Variants in BFAR observed in about 807,000 individuals in gnomAD.
BFAR encodes the protein bifunctional apoptosis regulator, also known as RING finger protein 47.
BFAR carries 52 observed loss-of-function variants against 54.4 expected under a neutral mutation model. The observed-to-expected ratio is 0.96, with a 90% CI of 0.77 to 1.21. The LOEUF (loss-of-function observed/expected upper bound fraction) is 1.21. BFAR is among the 50% of genes most tolerant of loss of function. The pLI is 0.00. For missense variants in BFAR, 571 were observed against 534.0 expected, an observed-to-expected ratio of 1.07 and a Z score of -0.68; for synonymous variants, 215 against 204.3, an observed-to-expected ratio of 1.05 and a Z score of -0.45.
chr16:14,665,456 G>A (rs1404443045), intron 7 of BFAR, among the ~76,000 whole-genome samples: 2 of 152,174 alleles, frequency 1.3e-5, no homozygotes, highest in Non-Finnish European at 2.9e-5. Flanking sequence ...GCTGAAGGAA[G>A]AAGCTGGCAA....
In BFAR at chr16:14,638,164, C is replaced by G. The variant is rs141888435; in HGVS notation, c.-74+5146C>G. 1.6e-4 allele frequency among the ~76,000 whole-genome samples: 25 copies of G among 152,308 alleles called. 1 individual carries two copies. The East Asian group carries it at 4.8e-3, about 29-fold the overall frequency. On this transcript the variant is annotated intron_variant, in intron 1 of 7. Coordinates refer to ENST00000261658, the MANE Select transcript of BFAR (RefSeq NM_016561.3). ...TTGGGAAGCTGAGACCAGATGATTGCTTGAGCCCAGGAACTCGAGACCATC... is the reference window on the plus strand; with the variant it reads ...TTGGGAAGCTGAGACCAGATGATTGGTTGAGCCCAGGAACTCGAGACCATC...
Position 14,655,070 on chromosome 16 carries a change from C to CT in BFAR, c.647dup (p.Leu216PhefsTer46), listed in dbSNP as rs1567491899. 6.2e-7 allele frequency: 1 copy of CT among 1,605,202 alleles called. No individual in the cohort carries two copies. Among genetic ancestry groups the CT allele is most frequent in the South Asian group, 1.1e-5 (1 of 89,140 alleles). On this transcript the variant is annotated frameshift_variant, in exon 5 of 8. Transcript: ENST00000261658. LOFTEE classifies it high-confidence loss of function. Reference sequence around the variant, plus strand: ...TCTCCTCCTGCCCCTCTACAGGTTGCTTTTAACTTTGACAGAGGAAGAATT... The same window carrying CT: ...TCTCCTCCTGCCCCTCTACAGGTTGCTTTTTAACTTTGACAGAGGAAGAATT...
chr16:14,653,481 CCATG>C (rs1960032945), intron 4 of BFAR, among the ~76,000 whole-genome samples: 1 of 152,092 alleles, frequency 6.6e-6, no homozygotes, highest in Admixed American at 6.6e-5. Context: ...GCACACGCCA[CCATG>C]CCCGCCTAAT....
chr16:14,645,424 AT>A (rs1190731577), intron 2 of BFAR, among the ~76,000 whole-genome samples: 10 of 152,250 alleles, frequency 6.6e-5, no homozygotes, highest in African/African-American at 2.4e-4. Flanking sequence ...CAGTTATCAC[AT>A]TAATAGAGTT....
chr16:14,634,803 G>A lies in BFAR; in HGVS notation c.-74+1785G>A, dbSNP rs188390005. Among the ~76,000 whole-genome samples, 14 of 152,316 alleles carry A rather than the reference G, an allele frequency of 9.2e-5. 1 individual carries two copies. Among genetic ancestry groups the A allele is most frequent in the Admixed American group, 7.8e-4 (12 of 15,296 alleles). On this transcript the variant is annotated intron_variant, in intron 1 of 7. Coordinates refer to ENST00000261658, the MANE Select transcript of BFAR (RefSeq NM_016561.3). ...GAACCCAGATCAGTGTCACTCCTAAGACCATACTGTTTCAACTCTACCAGC... is the reference window on the plus strand; with the variant it reads ...GAACCCAGATCAGTGTCACTCCTAAAACCATACTGTTTCAACTCTACCAGC...
At position 14,643,350 on chromosome 16, in the gene BFAR, A is replaced by T. The variant is rs532782226; in HGVS notation, c.-73-924A>T. Among the ~76,000 whole-genome samples the T allele has an allele frequency of 2.6e-3, 390 of 152,244 alleles. 2 individuals are homozygous for T. The highest frequency in any genetic ancestry group is 0.01 in the Middle Eastern group (3 of 292). On this transcript the variant is annotated intron_variant, in intron 1 of 7. Transcript: ENST00000261658. ...AAATTTAATTGAGAACACTGAGATC[A>T]GGGAAATTTCATTTTCTAAGGAAGT...
intron 2 of BFAR, among the ~76,000 whole-genome samples, chr16:14,646,637 T>C (rs1216710372): frequency 6.6e-6 from 1 of 151,904 alleles, no homozygotes; most frequent in African/African-American, 2.4e-5. Flanking sequence ...TAGCTGGGAT[T>C]ACAGGCATGT....
intron 7 of BFAR, among the ~76,000 whole-genome samples, chr16:14,666,009 C>T (rs1011320268): frequency 1.3e-5 from 2 of 152,206 alleles, no homozygotes; most frequent in African/African-American, 4.8e-5. Context: ...CCTCACAGCA[C>T]TGTTCTTTCT....
At chr16:14,634,590 A>T (rs1233581509) in intron 1 of BFAR, among the ~76,000 whole-genome samples, 1 of 152,204 alleles carries the variant, frequency 6.6e-6, no homozygotes, top group Non-Finnish European at 1.5e-5. Context: ...GCAGTTTGGG[A>T]GGCAGAAGTG....
At chr16:14,656,090 G>T (rs992877424) in intron 5 of BFAR, among the ~76,000 whole-genome samples, 2 of 152,062 alleles carry the variant, frequency 1.3e-5, no homozygotes, top group African/African-American at 4.8e-5. Flanking sequence ...CACTCCTGTA[G>T]GTCCATTTAC....
At chr16:14,659,663 G>C (rs1053929038) in intron 5 of BFAR, among the ~76,000 whole-genome samples, 4 of 151,828 alleles carry the variant, frequency 2.6e-5, no homozygotes, top group African/African-American at 9.7e-5. Context: ...CCATTCTCCT[G>C]CCTCAGCCTC....
Position 14,664,943 on chromosome 16 carries a change from T to G in BFAR, c.1032T>G (p.Ile344Met). 2 of 1,614,026 alleles carry G rather than the reference T, an allele frequency of 1.2e-6. No individual in the cohort carries two copies. Among genetic ancestry groups the G allele is most frequent in the Non-Finnish European group, 8.5e-7 (1 of 1,179,868 alleles). Residue 344 changes from isoleucine to methionine, a missense_variant, in exon 7 of 8, where the codon ATT becomes ATG. Ile to Met is a conservative substitution (Grantham distance 10, BLOSUM62 1). Transcript: ENST00000261658. ...VKYSFLPYQL[I>M]AEFAWDWLEV... Reference sequence around the variant, plus strand: ...ACTCCTTCCTTCCATACCAGCTGATTGCTGAGTTTGCTTGGGACTGGTTGG... The same window carrying G: ...ACTCCTTCCTTCCATACCAGCTGATGGCTGAGTTTGCTTGGGACTGGTTGG...
rs1959645813 is a variant in BFAR at position 14,642,079 on chromosome 16, C to A, written c.-73-2195C>A. Among the ~76,000 whole-genome samples the A allele has an allele frequency of 2.6e-5, 4 of 152,270 alleles. No homozygotes were observed. The South Asian group carries it at 8.3e-4, about 32-fold the overall frequency. ...TGGGGTGAGAACCCAGGCAGCCCAGCCATGGGACCTGTGTTCCTAACCACT... is the reference window on the plus strand; with the variant it reads ...TGGGGTGAGAACCCAGGCAGCCCAGACATGGGACCTGTGTTCCTAACCACT... On this transcript the variant is annotated intron_variant, in intron 1 of 7. Transcript: ENST00000261658.
At chr16:14,633,842 G>A (rs2151833103) in intron 1 of BFAR, among the ~76,000 whole-genome samples, 1 of 152,182 alleles carries the variant, frequency 6.6e-6, no homozygotes, top group Non-Finnish European at 1.5e-5. Flanking sequence ...TAGTAGAGAC[G>A]GGGTTTCACC....
chr16:14,659,895 C>T (rs1960242678), intron 5 of BFAR, among the ~76,000 whole-genome samples: 1 of 152,192 alleles, frequency 6.6e-6, no homozygotes, highest in Non-Finnish European at 1.5e-5. Context: ...TTTAAAAATG[C>T]AATCATCATC....
chr16:14,640,441 C>A (rs1361937342), intron 1 of BFAR, among the ~76,000 whole-genome samples: 2 of 152,078 alleles, frequency 1.3e-5, no homozygotes, highest in Non-Finnish European at 2.9e-5. Flanking sequence ...TCCAGTATTG[C>A]CAGATCTCTG....
At chr16:14,644,124 C>T (rs1004925799) in intron 1 of BFAR, 150 bp from the exon 2 acceptor site, 1 of 565,272 alleles carries the variant, frequency 1.8e-6, no homozygotes, top group East Asian at 3.0e-5. Flanking sequence ...GATCACGCCA[C>T]TGCACTCCAT....
At chr16:14,651,719 A>G (rs532567927) in intron 4 of BFAR, among the ~76,000 whole-genome samples, 7 of 151,972 alleles carry the variant, frequency 4.6e-5, no homozygotes, top group South Asian at 2.1e-4. Flanking sequence ...GACTCAAACA[A>G]TCCACCCGCC....
At chr16:14,667,349 A>G in intron 7 of BFAR, 1 of 418,190 alleles carries the variant, frequency 2.4e-6, no homozygotes, top group East Asian at 3.6e-5. Flanking sequence ...CTCAAAAGGA[A>G]AAAAAAATAT....
Sources: gnomAD v4.1 joint callset for allele counts (sites outside exome capture counted in the v4.1 genomes callset) on GRCh38, gnomAD v4.1.1 for gene constraint, MANE v1.5 for transcripts, NCBI Gene and HGNC (gene_info 2026-07-23, HGNC 2026-07-21) for gene names.